Variants in DMD observed in about 807,000 individuals in gnomAD.
DMD encodes dystrophin, also known as mutant dystrophin.
DMD carries 63 observed loss-of-function variants against 330.1 expected under a neutral mutation model. The ratio of observed to expected loss-of-function variants is 0.19; its 90% CI spans 0.16 to 0.24. The LOEUF is 0.24. Ranked by LOEUF, DMD falls within the 10% of genes least tolerant of loss-of-function variation. The pLI is 1.00. For missense variants in DMD, 3,344 were observed against 2,684.1 expected (o/e 1.25, Z -5.43); for synonymous variants, 1,223 against 959.8 (o/e 1.27, Z -5.07).
chrX:31,182,769 T>A lies in DMD; in HGVS notation c.9943A>T (p.Ile3315Phe). 1 of 1,210,105 alleles carries A rather than the reference T, an allele frequency of 8.3e-7. No homozygotes were observed. Among genetic ancestry groups the A allele is most frequent in the Non-Finnish European group, 1.1e-6 (1 of 894,819 alleles). The change falls in exon 68 of 79, where the codon ATC becomes TTC. Residue 3315 changes from isoleucine to phenylalanine, a missense_variant. Transcript: ENST00000357033. ...ETAKHQAKCN[I>F]CKECPIIGFR... The stretch of plus-strand genomic sequence containing the variant: ...CCAATGATTGGACACTCTTTGCAGA[T>A]GTTACATTTGGCCTGATGCTTGGCA...
chrX:31,870,139 C>A (rs1481509266), intron 48 of DMD, among the ~76,000 whole-genome samples: 1 of 111,585 alleles, frequency 9.0e-6, no homozygotes, highest in African/African-American at 3.3e-5. Flanking sequence ...GGAGGGTTGA[C>A]AAAGAAAGCT....
intron 7 of DMD, among the ~76,000 whole-genome samples, chrX:32,773,209 G>A (rs2073806815): frequency 9.0e-6 from 1 of 111,549 alleles, no homozygotes; most frequent in African/African-American, 3.3e-5. Context: ...CTGAAAGCCT[G>A]GTATTTATAG....
intron 47 of DMD, among the ~76,000 whole-genome samples, chrX:31,922,448 A>T (rs1049825555): frequency 3.6e-5 from 4 of 111,038 alleles, no homozygotes; most frequent in Non-Finnish European, 7.5e-5. Context: ...GGGAACCCCA[A>T]CTTGAAGCCC....
chrX:32,146,737 A>G (rs1246978566), intron 44 of DMD, among the ~76,000 whole-genome samples: 1 of 112,326 alleles, frequency 8.9e-6, no homozygotes, highest in East Asian at 2.8e-4. Context: ...TCATCCATTA[A>G]GCACCCTCTA....
intron 55 of DMD, among the ~76,000 whole-genome samples, chrX:31,550,035 GT>G (rs772053290): frequency 1.8e-5 from 2 of 111,856 alleles, no homozygotes; most frequent in South Asian, 7.5e-4. Flanking sequence ...TAGCTCATCA[GT>G]TTTTTGTTTT....
chrX:32,196,973 C>G (rs190162656), intron 44 of DMD, among the ~76,000 whole-genome samples: 1 of 67,763 alleles, frequency 1.5e-5, no homozygotes, highest in Non-Finnish European at 2.5e-5. Flanking sequence ...GGTGACAGAG[C>G]GAGACTCCAT....
At position 31,406,747 on chromosome X, in the gene DMD, T is replaced by C. The variant is rs766262875; in HGVS notation, c.9084+37734A>G. On this transcript the variant is annotated intron_variant, in intron 60 of 78. Coordinates refer to ENST00000357033, the MANE Select transcript of DMD (RefSeq NM_004006.3). Reference sequence around the variant, plus strand: ...TATCAATGGAGTGGATTGATTAGAATTGGATCTGTCCAATTGCAGAGCCCC... The same window carrying C: ...TATCAATGGAGTGGATTGATTAGAACTGGATCTGTCCAATTGCAGAGCCCC... Among the ~76,000 whole-genome samples the C allele has an allele frequency of 1.1e-4, 12 of 111,465 alleles. No individual in the cohort carries two copies. The South Asian group carries it at 4.5e-3, about 42-fold the overall frequency.
At chrX:32,703,570 C>T (rs557378854) in intron 7 of DMD, among the ~76,000 whole-genome samples, 2 of 111,163 alleles carry the variant, frequency 1.8e-5, no homozygotes, top group South Asian at 7.6e-4. Context: ...GCAGATGAGC[C>T]ACCCCATAAT....
intron 5 of DMD, among the ~76,000 whole-genome samples, chrX:32,821,465 G>A (rs894688377): frequency 9.2e-6 from 1 of 108,502 alleles, no homozygotes; most frequent in African/African-American, 3.4e-5. Context: ...GGGGGCGCCT[G>A]TAGTCCCAGC....
intron 74 of DMD, among the ~76,000 whole-genome samples, chrX:31,163,797 T>C (rs1219868466): frequency 8.9e-6 from 1 of 112,044 alleles, no homozygotes; most frequent in Non-Finnish European, 1.9e-5. Flanking sequence ...TGCCCTCCTC[T>C]TCTTCTGGCA....
chrX:32,201,374 G>C (rs190895386), intron 44 of DMD, among the ~76,000 whole-genome samples: 1 of 107,357 alleles, frequency 9.3e-6, no homozygotes, highest in East Asian at 2.9e-4. Flanking sequence ...TGGATATTTT[G>C]TTCCACCACT....
chrX:32,815,998 A>AT lies in DMD; in HGVS notation c.530+469dup, dbSNP rs768555989. ...TATGGTGTTTGATATCAAAGTGTGT[A>AT]TCTGATAAGACAGATGTTTCTTTCT... On this transcript the variant is annotated intron_variant, in intron 6 of 78. Coordinates refer to ENST00000357033, the MANE Select transcript of DMD (RefSeq NM_004006.3). Among the ~76,000 whole-genome samples the AT allele has an allele frequency of 2.6e-4, 29 of 111,740 alleles. No homozygotes were observed. In the Admixed American group the frequency reaches 2.8e-3, roughly 11 times the overall value.
chrX:31,657,817 G>T (rs753429668), intron 54 of DMD, among the ~76,000 whole-genome samples, 173 bp downstream of exon 54: 93 of 111,354 alleles, frequency 8.4e-4, no homozygotes, highest in Non-Finnish European at 1.4e-3. Flanking sequence ...TATGTTCCTC[G>T]TTTTTAAAAT....
At chrX:32,325,662 G>C (rs1020508978) in intron 41 of DMD, among the ~76,000 whole-genome samples, 2 of 111,790 alleles carry the variant, frequency 1.8e-5, no homozygotes, top group African/African-American at 6.5e-5. Context: ...AGTGGCTGCT[G>C]TTGCCCATGA....
chrX:31,327,775 A>G (rs1434053702), intron 61 of DMD, among the ~76,000 whole-genome samples: 1 of 112,466 alleles, frequency 8.9e-6, no homozygotes, highest in African/African-American at 3.2e-5. Context: ...AGAATGTCAT[A>G]TAAATACAGT....
chrX:31,129,415 T>C (rs903879693), intron 77 of DMD, among the ~76,000 whole-genome samples: 6 of 112,233 alleles, frequency 5.3e-5, no homozygotes, highest in African/African-American at 1.6e-4. Context: ...CAGCTGAAAG[T>C]TGATCAGCAC....
intron 1 of DMD, among the ~76,000 whole-genome samples, chrX:33,037,095 T>C (rs1220935684): frequency 9.8e-5 from 11 of 111,730 alleles, no homozygotes; most frequent in Admixed American, 9.6e-4. Flanking sequence ...GAGAAACATT[T>C]TAATCCTTAG....
intron 17 of DMD, among the ~76,000 whole-genome samples, 175 bp downstream of exon 17, chrX:32,544,984 T>C (rs774110776): frequency 3.6e-4 from 40 of 111,888 alleles, no homozygotes; most frequent in Non-Finnish European, 9.4e-5. Context: ...GTTGCGATAG[T>C]GATTTCTTGT....
At chrX:32,146,165 T>G (rs1252161112) in intron 44 of DMD, among the ~76,000 whole-genome samples, 1 of 112,323 alleles carries the variant, frequency 8.9e-6, no homozygotes, top group Non-Finnish European at 1.9e-5. Context: ...GTTTACTGCT[T>G]TTTTTATTCA....
Sources: gnomAD v4.1 joint callset for allele counts (sites outside exome capture counted in the v4.1 genomes callset) on GRCh38, gnomAD v4.1.1 for gene constraint, MANE v1.5 for transcripts, NCBI Gene and HGNC (gene_info 2026-07-23, HGNC 2026-07-21) for gene names.